The following KCND3 variants were observed in gnomAD, a reference collection of about 807,000 sequenced individuals.
KCND3 encodes the protein A-type voltage-gated potassium channel KCND3.
In KCND3, 9 loss-of-function variants were observed where a neutral mutation model predicts 51.1. The ratio of observed to expected loss-of-function variants is 0.18; its 90% CI spans 0.11 to 0.31. The LOEUF is 0.31. Ranked by LOEUF, KCND3 falls within the 10% of genes least tolerant of loss-of-function variation. KCND3 has a pLI of 1.00. For synonymous variants in KCND3, 349 were observed against 368.0 expected, an observed-to-expected ratio of 0.95 and a Z score of 0.59; for missense variants, 526 against 903.8, an observed-to-expected ratio of 0.58 and a Z score of 5.36.
intron 2 of KCND3, among the ~76,000 whole-genome samples, chr1:111,972,423 C>T (rs566673254): frequency 3.3e-5 from 5 of 152,236 alleles, no homozygotes; most frequent in Admixed American, 2.6e-4. Context: ...CCGCCCGCCT[C>T]GGCCTCCCAA....
intron 2 of KCND3, among the ~76,000 whole-genome samples, chr1:111,813,622 A>G (rs1271355428): frequency 1.3e-5 from 2 of 152,248 alleles, no homozygotes; most frequent in African/African-American, 4.8e-5. Flanking sequence ...TCCGTGCCCC[A>G]CACACCTGTA....
At chr1:111,934,464 C>G (rs967770542) in intron 2 of KCND3, among the ~76,000 whole-genome samples, 1 of 152,232 alleles carries the variant, frequency 6.6e-6, no homozygotes, top group Non-Finnish European at 1.5e-5. Context: ...CAGCAAGCAC[C>G]TCAGCCCCAG....
chr1:111,946,848 A>T (rs1557737759), intron 2 of KCND3, among the ~76,000 whole-genome samples: 2 of 152,244 alleles, frequency 1.3e-5, no homozygotes. Context: ...CTGCCAATCA[A>T]TAACAAATGC....
At chr1:111,857,742 G>A (rs1032489976) in intron 2 of KCND3, among the ~76,000 whole-genome samples, 1 of 151,412 alleles carries the variant, frequency 6.6e-6, no homozygotes, top group African/African-American at 2.4e-5. Flanking sequence ...GCTGCCTCTG[G>A]GAGGCATCCT....
At chr1:111,872,233 C>T (rs1156857838) in intron 2 of KCND3, among the ~76,000 whole-genome samples, 1 of 152,120 alleles carries the variant, frequency 6.6e-6, no homozygotes, top group Non-Finnish European at 1.5e-5. Flanking sequence ...AAAGACAAGA[C>T]CGTAGATTTC....
At chr1:111,865,975 G>C (rs1243141326) in intron 2 of KCND3, among the ~76,000 whole-genome samples, 2 of 152,038 alleles carry the variant, frequency 1.3e-5, no homozygotes, top group Non-Finnish European at 2.9e-5. Context: ...CAAAGTGCTG[G>C]GATTACAGGT....
chr1:111,862,844 T>C (rs1385766157), intron 2 of KCND3, among the ~76,000 whole-genome samples: 2 of 152,190 alleles, frequency 1.3e-5, no homozygotes, highest in Non-Finnish European at 2.9e-5. Context: ...TGCCAGACCT[T>C]AGTTAACCTT....
At chr1:111,833,696 G>C (rs1666949094) in intron 2 of KCND3, among the ~76,000 whole-genome samples, 7 of 152,220 alleles carry the variant, frequency 4.6e-5, no homozygotes, top group Admixed American at 3.3e-4. Context: ...GTCTAAAACA[G>C]ACTCTCTCAA....
intron 2 of KCND3, among the ~76,000 whole-genome samples, chr1:111,802,149 T>C (rs996748067): frequency 6.6e-6 from 1 of 152,262 alleles, no homozygotes; most frequent in Non-Finnish European, 1.5e-5. Context: ...TGGCAGACAG[T>C]GCTTAGTTCT....
chr1:111,843,254 C>T (rs1257679224), intron 2 of KCND3, among the ~76,000 whole-genome samples: 2 of 152,198 alleles, frequency 1.3e-5, no homozygotes, highest in African/African-American at 4.8e-5. Context: ...GCCCTGTGCA[C>T]AGACTGACCA....
intron 2 of KCND3, among the ~76,000 whole-genome samples, chr1:111,794,697 C>T (rs926989423): frequency 1.3e-5 from 2 of 152,172 alleles, no homozygotes; most frequent in Non-Finnish European, 2.9e-5. Flanking sequence ...TCCTCCTTGT[C>T]CGGGGGCAAA....
chr1:111,815,854 A>G (rs6656129), intron 2 of KCND3, among the ~76,000 whole-genome samples: 2,407 of 152,162 alleles, frequency 0.016, 61 homozygotes, highest in African/African-American at 0.054. Flanking sequence ...AAAGAAGGTA[A>G]GCAGGAATTT....
At position 111,780,541 on chromosome 1, in the gene KCND3, TG is replaced by T; in HGVS notation, c.1371+148del. 1.2e-6 allele frequency: 1 copy of T among 817,700 alleles called. No homozygotes were observed. The allele number at this position is 817,700 out of a possible 1,614,324, so 50.7% of individuals were successfully genotyped here. A position where few individuals can be genotyped will look rare whatever the true frequency, so the allele number is the denominator to read the frequency against. ...TAATCCTATGGAAGTGGTGTGTGAA[TG>T]GGGGGCTGCTACCTGGGGAAAGTTT... On this transcript the variant is annotated intron_variant, in intron 4 of 7. Coordinates refer to ENST00000302127, the MANE Select transcript of KCND3 (RefSeq NM_001378969.1). The surrounding 1 kb of genome is among the most constrained non-coding windows in gnomAD (Gnocchi z 4.2).
At chr1:111,906,432 T>C (rs1670653038) in intron 2 of KCND3, among the ~76,000 whole-genome samples, 1 of 152,200 alleles carries the variant, frequency 6.6e-6, no homozygotes, top group South Asian at 2.1e-4. Context: ...GGAGCTTCCA[T>C]CCTTTCTGAC....
At chr1:111,814,214 G>T (rs1665981073) in intron 2 of KCND3, among the ~76,000 whole-genome samples, 1 of 150,424 alleles carries the variant, frequency 6.6e-6, no homozygotes, top group African/African-American at 2.5e-5. Flanking sequence ...GTCCAGAAAG[G>T]TGAAACACTG....
At chr1:111,908,176 A>G (rs1670742127) in intron 2 of KCND3, among the ~76,000 whole-genome samples, 1 of 152,220 alleles carries the variant, frequency 6.6e-6, no homozygotes, top group African/African-American at 2.4e-5. Flanking sequence ...TTTGACTGAC[A>G]TTTATTTAGC....
rs1335080192 is a variant in KCND3 at position 111,774,233 on chromosome 1, T to G, written c.*1844A>C. 2 of 152,310 alleles carry G rather than the reference T, an allele frequency of 1.3e-5. No individual in the cohort carries two copies. Among genetic ancestry groups the G allele is most frequent in the Non-Finnish European group, 1.5e-5 (1 of 68,128 alleles). The allele number at this position is 152,310 out of a possible 1,614,324, so 9.4% of individuals were successfully genotyped here. ...AGGGTGTTTTTAGGTTCCTGGCTAGTAAAACTCATTTAGATGGCTGTGGTG... is the reference window on the plus strand; with the variant it reads ...AGGGTGTTTTTAGGTTCCTGGCTAGGAAAACTCATTTAGATGGCTGTGGTG... On this transcript the variant is annotated 3_prime_UTR_variant, in exon 8 of 8. Transcript: ENST00000302127.
chr1:111,936,658 A>C (rs1310615171), intron 2 of KCND3, among the ~76,000 whole-genome samples: 1 of 152,204 alleles, frequency 6.6e-6, no homozygotes. Context: ...TCTTGGCTTC[A>C]CTGTGTGGGT....
intron 2 of KCND3, among the ~76,000 whole-genome samples, chr1:111,929,274 CT>C: frequency 6.6e-6 from 1 of 152,160 alleles, no homozygotes; most frequent in East Asian, 1.9e-4. Context: ...GCTCAGTAAA[CT>C]ATTCTCTATT....
Sources: allele counts gnomAD v4.1 joint callset (sites outside exome capture counted in the v4.1 genomes callset), GRCh38; gene constraint gnomAD v4.1.1; non-coding constraint Gnocchi (gnomAD v3.1); transcripts MANE v1.5; gene names NCBI Gene and HGNC (gene_info 2026-07-23, HGNC 2026-07-21).